The following RBFOX1 variants were observed in gnomAD, a reference collection of about 807,000 sequenced individuals.
The protein encoded by RBFOX1 is RNA binding fox-1 homolog 1, also known as RNA binding protein fox-1 homolog 1.
In RBFOX1, 8 loss-of-function variants were observed where a neutral mutation model predicts 57.7. The ratio of observed to expected loss-of-function variants is 0.14; its 90% confidence interval spans 0.08 to 0.25. The LOEUF is 0.25. Among genes scored for constraint, RBFOX1 ranks in the 10% least tolerant of loss-of-function variants. RBFOX1 has a pLI of 1.00. For missense variants in RBFOX1, 611 were observed against 548.5 expected, an observed-to-expected ratio of 1.11 and a Z score of -1.14; for synonymous variants, 326 against 222.4, an observed-to-expected ratio of 1.47 and a Z score of -4.15.
At chr16:6,590,538 C>A (rs8054730) in intron 2 of RBFOX1, among the ~76,000 whole-genome samples, 144,239 of 152,230 alleles carry the variant, frequency 0.95, 68,852 homozygotes, top group East Asian at 1. Flanking sequence ...TGAGAGCCCC[C>A]TGCGACTAGT....
At chr16:6,794,123 C>T (rs1184105239) in intron 3 of RBFOX1, among the ~76,000 whole-genome samples, 2 of 152,050 alleles carry the variant, frequency 1.3e-5, no homozygotes, top group African/African-American at 2.4e-5. Context: ...ATGAGGTGTA[C>T]TGTTAAATCG....
intron 4 of RBFOX1, among the ~76,000 whole-genome samples, chr16:7,242,726 G>A (rs2094127871): frequency 6.6e-6 from 1 of 152,228 alleles, no homozygotes; most frequent in African/African-American, 2.4e-5. Flanking sequence ...TTCTGATTGA[G>A]TGGCCACGTG....
intron 3 of RBFOX1, among the ~76,000 whole-genome samples, chr16:5,805,226 C>A (rs1432155114): frequency 6.6e-6 from 1 of 151,916 alleles, no homozygotes; most frequent in East Asian, 1.9e-4. Flanking sequence ...TGGAATAGAG[C>A]CTGGATTAAA....
At chr16:5,241,128 T>C (rs541159878) in intron 1 of RBFOX1, among the ~76,000 whole-genome samples, 9 of 152,306 alleles carry the variant, frequency 5.9e-5, no homozygotes, top group Admixed American at 2.0e-4. Context: ...GCAGCACGGG[T>C]AGCCGTCCTC....
intron 2 of RBFOX1, among the ~76,000 whole-genome samples, chr16:6,626,545 G>C (rs1352125119): frequency 1.3e-5 from 2 of 152,068 alleles, no homozygotes; most frequent in African/African-American, 2.4e-5. Context: ...GGATCACCTG[G>C]GATCAGGAGT....
intron 4 of RBFOX1, among the ~76,000 whole-genome samples, chr16:7,453,775 G>A (rs935923078): frequency 6.6e-6 from 1 of 152,192 alleles, no homozygotes; most frequent in African/African-American, 2.4e-5. Flanking sequence ...TGACTGAAGT[G>A]TTGGGCACCC....
intron 3 of RBFOX1, among the ~76,000 whole-genome samples, chr16:6,957,068 C>T (rs1049738125): frequency 7.2e-6 from 1 of 139,352 alleles, no homozygotes; most frequent in African/African-American, 3.3e-5. Flanking sequence ...CCAAGGGCTG[C>T]TGGTTGCCCA....
At chr16:6,842,536 A>C (rs1603631237) in intron 3 of RBFOX1, among the ~76,000 whole-genome samples, 2 of 152,112 alleles carry the variant, frequency 1.3e-5, no homozygotes, top group South Asian at 4.1e-4. Context: ...CAGCTTGATG[A>C]ATATCTGTAT....
At position 6,145,714 on chromosome 16, in the gene RBFOX1, C is replaced by T. The variant is rs189757685; in HGVS notation, c.-127+125722C>T. On this transcript the variant is annotated intron_variant, in intron 1 of 15. Coordinates refer to ENST00000550418, the MANE Select transcript of RBFOX1 (RefSeq NM_018723.4). Reference sequence around the variant, plus strand: ...TAGTATTTTCAATGTTTATGGCATACGTCCATTATTTAAAACCTCAGGAGG... The same window carrying T: ...TAGTATTTTCAATGTTTATGGCATATGTCCATTATTTAAAACCTCAGGAGG... 3.3e-3 allele frequency among the ~76,000 whole-genome samples: 498 copies of T among 152,004 alleles called. 2 individuals carry two copies. The highest frequency in any genetic ancestry group is 0.012 in the African/African-American group (478 of 41,448).
intron 14 of RBFOX1, among the ~76,000 whole-genome samples, chr16:7,687,613 A>G (rs2076338127): frequency 6.6e-6 from 1 of 151,804 alleles, no homozygotes; most frequent in Admixed American, 6.6e-5. Context: ...ACGTCTAGCA[A>G]TTTTAACAAC....
chr16:5,828,560 G>T (rs1262822724), intron 3 of RBFOX1, among the ~76,000 whole-genome samples: 10 of 152,100 alleles, frequency 6.6e-5, no homozygotes, highest in African/African-American at 2.4e-4. Context: ...TTAGCTGGGC[G>T]TGGTGGTGCA....
chr16:6,462,613 C>T (rs892671667), intron 2 of RBFOX1, among the ~76,000 whole-genome samples: 1 of 152,100 alleles, frequency 6.6e-6, no homozygotes, highest in Non-Finnish European at 1.5e-5. Context: ...TTGGTACTTT[C>T]TGTTGGCTAA....
At chr16:7,245,543 A>G (rs2094257782) in intron 4 of RBFOX1, among the ~76,000 whole-genome samples, 1 of 152,250 alleles carries the variant, frequency 6.6e-6, no homozygotes, top group Non-Finnish European at 1.5e-5. Flanking sequence ...ACGTATTTTC[A>G]TAATCAACAA....
chr16:5,568,812 A>T (rs182846587), intron 2 of RBFOX1, among the ~76,000 whole-genome samples: 1 of 152,084 alleles, frequency 6.6e-6, no homozygotes, highest in Admixed American at 6.5e-5. Flanking sequence ...AAATGACTCA[A>T]CCTGGCTTGG....
chr16:7,509,637 A>G (rs952401990), intron 4 of RBFOX1, among the ~76,000 whole-genome samples: 2 of 152,168 alleles, frequency 1.3e-5, no homozygotes, highest in African/African-American at 4.8e-5. Context: ...CAGTTATGGT[A>G]TTTTTAAGAT....
At chr16:7,322,501 A>G (rs570352305) in intron 4 of RBFOX1, among the ~76,000 whole-genome samples, 2 of 152,380 alleles carry the variant, frequency 1.3e-5, no homozygotes, top group East Asian at 3.9e-4. Flanking sequence ...AGTACAGCAC[A>G]TCTTGCTACC....
chr16:6,429,835 G>A (rs533891382), intron 2 of RBFOX1, among the ~76,000 whole-genome samples: 2 of 152,228 alleles, frequency 1.3e-5, no homozygotes, highest in South Asian at 2.1e-4. Context: ...CCTGCCCAGC[G>A]TGGTGGCTCA....
chr16:6,942,915 C>T (rs1187005112), intron 3 of RBFOX1, among the ~76,000 whole-genome samples: 1 of 152,274 alleles, frequency 6.6e-6, no homozygotes, highest in East Asian at 1.9e-4. Flanking sequence ...AGTTGTGGTA[C>T]CGACAGGGCT....
intron 3 of RBFOX1, among the ~76,000 whole-genome samples, chr16:5,759,166 T>A (rs1446872049): frequency 6.6e-6 from 1 of 152,190 alleles, no homozygotes; most frequent in Non-Finnish European, 1.5e-5. Flanking sequence ...AGGGGTTCAT[T>A]AGCCTAACTT....
Sources: gnomAD v4.1 joint callset for allele counts (sites outside exome capture counted in the v4.1 genomes callset) on GRCh38, gnomAD v4.1.1 for gene constraint, MANE v1.5 for transcripts, NCBI Gene and HGNC (gene_info 2026-07-23, HGNC 2026-07-21) for gene names.